APBB1: variants seen among roughly 807,000 people sequenced by gnomAD.
The protein encoded by APBB1 is adaptor protein FE65a2.
APBB1 carries 22 observed loss-of-function variants against 78.4 expected under a neutral mutation model. That is an observed-to-expected ratio of 0.28 (90% CI 0.20 to 0.40). The LOEUF (loss-of-function observed/expected upper bound fraction) is 0.40, where lower values mean the gene tolerates loss of function less well. Ranked by LOEUF, APBB1 falls within the 10% of genes least tolerant of loss-of-function variation. The pLI, the probability that APBB1 is intolerant of heterozygous loss-of-function variation, is 1.00. For missense variants in APBB1, 749 were observed against 932.4 expected (o/e 0.80, Z 2.56); for synonymous variants, 369 against 372.7 (o/e 0.99, Z 0.12).
Position 6,396,126 on chromosome 11 carries a change from C to T in APBB1, c.1762G>A (p.Ala588Thr), listed in dbSNP as rs1411549038. The change falls in exon 13 of 15, where the codon GCT becomes ACT. Residue 588 changes from alanine to threonine, a missense_variant. This residue lies in a region of APBB1 where 635 missense variants were observed against 765.0 expected (regional missense o/e 0.83). Coordinates refer to ENST00000609360, the MANE Select transcript of APBB1 (RefSeq NM_001164.5). The part of the protein sequence containing the change: ...WTPSHVSVAP[A>T]TLTILHQQTE... ...TGCTGGTGCAAGATGGTGAGGGTAG[C>T]AGGGGCCACACTGACATGACTTGGG... 1 of 1,557,510 alleles carries T rather than the reference C, an allele frequency of 6.4e-7. No homozygotes were observed. The highest frequency in any genetic ancestry group is 8.7e-7 in the Non-Finnish European group (1 of 1,150,428).
intron 2 of APBB1, among the ~76,000 whole-genome samples, chr11:6,410,076 T>C (rs1426230296): frequency 6.7e-6 from 1 of 150,314 alleles, no homozygotes; most frequent in Non-Finnish European, 1.5e-5. Flanking sequence ...AGTGAGACTC[T>C]GTCTCAAAAA....
Position 6,411,368 on chromosome 11 carries a change from G to T in APBB1, c.-14-7C>A, listed in dbSNP as rs369166110. The T allele has an allele frequency of 5.9e-6, 9 of 1,519,482 alleles. No homozygotes were observed. In the East Asian group the frequency reaches 2.0e-4, roughly 34 times the overall value. 94.1% of individuals were successfully genotyped at this position (1,519,482 alleles called of 1,614,324 possible). Reference sequence around the variant, plus strand: ...GACATGGCCTTGGCAGCTCCTGTGGGGTGCGGAGGGGAGATGCTGTTGAGC... The same window carrying T: ...GACATGGCCTTGGCAGCTCCTGTGGTGTGCGGAGGGGAGATGCTGTTGAGC... On this transcript the variant is annotated splice_region_variant and splice_polypyrimidine_tract_variant and intron_variant, in intron 1 of 14. Transcript: ENST00000609360. This position sits in a 1 kb window ranked among gnomAD's most constrained non-coding sequence, Gnocchi z 5.2.
chr11:6,407,588 T>C (rs575614972), intron 2 of APBB1, among the ~76,000 whole-genome samples: 101 of 152,232 alleles, frequency 6.6e-4, no homozygotes, highest in Middle Eastern at 3.2e-3. Flanking sequence ...TACACCAATA[T>C]CTAGTTTTCA....
chr11:6,399,079 T>C (rs1848368370), intron 12 of APBB1, among the ~76,000 whole-genome samples: 2 of 152,252 alleles, frequency 1.3e-5, no homozygotes, highest in African/African-American at 2.4e-5. Context: ...GTTGTCACTA[T>C]CCTTGGCAGT....
chr11:6,404,023 T>C, intron 2 of APBB1: 1 of 501,692 alleles, frequency 2.0e-6, no homozygotes, highest in Non-Finnish European at 3.4e-6. Context: ...GGCTCAGGTC[T>C]CCTCCTGGGC....
At chr11:6,402,892 TCA>T in intron 6 of APBB1, 167 bp from the exon 7 acceptor site, 1 of 886,952 alleles carries the variant, frequency 1.1e-6, no homozygotes, top group Non-Finnish European at 1.7e-6. Context: ...GAGGGAGATG[TCA>T]GATGAGACCC....
At position 6,403,261 on chromosome 11, in the gene APBB1, C is replaced by G; in HGVS notation, c.1041-53G>C. The G allele has an allele frequency of 6.2e-7, 1 of 1,610,808 alleles. No individual in the cohort carries two copies. The highest frequency in any genetic ancestry group is 8.5e-7 in the Non-Finnish European group (1 of 1,178,078). On this transcript the variant is annotated intron_variant, in intron 5 of 14. Coordinates refer to ENST00000609360, the MANE Select transcript of APBB1 (RefSeq NM_001164.5). This position sits in a 1 kb window ranked among gnomAD's most constrained non-coding sequence, Gnocchi z 5.3. The stretch of plus-strand genomic sequence containing the variant: ...AGGGCTCCCATAAATGGAGCTGTCC[C>G]AAGGCCCCTTCCAGACAGATCCATC...
Position 6,395,307 on chromosome 11 carries a change from G to C in APBB1, c.*227C>G, listed in dbSNP as rs1041142773. ...GAAACACATGGGGATGGAGAACCAGGGCTGGCCTTGCTTCCTGCTCCTCTT... is the reference window on the plus strand; with the variant it reads ...GAAACACATGGGGATGGAGAACCAGCGCTGGCCTTGCTTCCTGCTCCTCTT... On this transcript the variant is annotated 3_prime_UTR_variant, in exon 15 of 15. Coordinates refer to ENST00000609360, the MANE Select transcript of APBB1 (RefSeq NM_001164.5). The surrounding 1 kb of genome is among the most constrained non-coding windows in gnomAD (Gnocchi z 5.2). 3.9e-5 allele frequency: 17 copies of C among 432,348 alleles called. 1 individual carries two copies. Among genetic ancestry groups the C allele is most frequent in the Non-Finnish European group, 6.4e-5 (16 of 248,068 alleles). 26.8% of individuals were successfully genotyped at this position (432,348 alleles called of 1,614,324 possible).
chr11:6,414,364 C>T (rs1353948808), intron 1 of APBB1, among the ~76,000 whole-genome samples: 5 of 152,144 alleles, frequency 3.3e-5, no homozygotes, highest in African/African-American at 7.2e-5. Context: ...TTCTCTCCTT[C>T]GTGTCTCACA....
At chr11:6,413,859 C>T (rs941045352) in intron 1 of APBB1, among the ~76,000 whole-genome samples, 1 of 152,170 alleles carries the variant, frequency 6.6e-6, no homozygotes, top group Admixed American at 6.5e-5. Context: ...TTTCTGCGCA[C>T]GTGTCTGCCT....
intron 8 of APBB1, 21 bp from the exon 9 acceptor site, chr11:6,402,003 G>A: frequency 2.5e-6 from 4 of 1,587,126 alleles, no homozygotes; most frequent in Non-Finnish European, 2.6e-6. Context: ...CAGCACAAGA[G>A]AGGCAAATAA....
chr11:6,405,873 T>C (rs112101250), intron 2 of APBB1, among the ~76,000 whole-genome samples: 1,881 of 152,216 alleles, frequency 0.012, 35 homozygotes, highest in African/African-American at 0.043. Context: ...GCTAAAACCT[T>C]CCAGGAACAG....
intron 2 of APBB1, chr11:6,405,504 G>A (rs921607682): frequency 1.0e-5 from 10 of 986,618 alleles, no homozygotes; most frequent in Non-Finnish European, 1.1e-5. Context: ...AATCCTGACT[G>A]GTCCAAGAGG....
chr11:6,402,673 G>T lies in APBB1; in HGVS notation c.1157C>A (p.Ala386Asp). ...GACTGCCACACTGCTGCGTCCAGGG[G>T]CCAGCTCCTCCTCGGTCATCTCTAC... is the stretch of plus-strand genomic sequence containing the variant. ...GWVEMTEEELAPGRSSVAVNN... is the reference protein window; with the variant it reads ...GWVEMTEEELDPGRSSVAVNN... Residue 386 changes from alanine (A) to aspartate (D), a missense_variant, in exon 7 of 15, where the codon GCC (alanine) becomes GAC (aspartate). By Grantham distance (126) the Ala-to-Asp change is moderately radical. Transcript: ENST00000609360. 6.2e-7 allele frequency: 1 copy of T among 1,614,158 alleles called. No homozygotes were observed. Among genetic ancestry groups the T allele is most frequent in the Non-Finnish European group, 8.5e-7 (1 of 1,180,036 alleles).
chr11:6,405,013 G>A lies in APBB1; in HGVS notation c.722-1191C>T, dbSNP rs1039259617. The A allele has an allele frequency of 7.7e-6, 11 of 1,421,614 alleles. No individual in the cohort carries two copies. In the African/African-American group the frequency reaches 1.6e-4, roughly 20 times the overall value. The allele number at this position is 1,421,614 out of a possible 1,614,324, so 88.1% of individuals were successfully genotyped here. On this transcript the variant is annotated intron_variant, in intron 2 of 14. Coordinates refer to ENST00000609360, the MANE Select transcript of APBB1 (RefSeq NM_001164.5). ...ATGCTAGGGAATCTCCTTGGGGGGT[G>A]GGGAAGGGAGGAGAAAGGGAGGTTC... is the stretch of plus-strand genomic sequence containing the variant.
chr11:6,410,211 A>G (rs12788285), intron 2 of APBB1, among the ~76,000 whole-genome samples: 1 of 152,126 alleles, frequency 6.6e-6, no homozygotes, highest in African/African-American at 2.4e-5. Context: ...TTTCAGCTCT[A>G]TTGTAATCTC....
In APBB1 at chr11:6,396,099, C is replaced by T. The variant is rs1421771962; in HGVS notation, c.1788+1G>A. ...CCACGACTTCTACCCCAGCTCTTTACCTGCTGGTGCAAGATGGTGAGGGTA... is the reference window on the plus strand; with the variant it reads ...CCACGACTTCTACCCCAGCTCTTTATCTGCTGGTGCAAGATGGTGAGGGTA... On this transcript the variant is annotated splice_donor_variant, in intron 13 of 14. Coordinates refer to ENST00000609360, the MANE Select transcript of APBB1 (RefSeq NM_001164.5). LOFTEE classifies it high-confidence loss of function. The T allele has an allele frequency of 1.3e-6, 2 of 1,568,548 alleles. No individual in the cohort carries two copies. Among genetic ancestry groups the T allele is most frequent in the South Asian group, 1.2e-5 (1 of 86,278 alleles).
Position 6,403,973 on chromosome 11 carries a change from G to C in APBB1, c.722-151C>G, listed in dbSNP as rs1848671896. Reference sequence around the variant, plus strand: ...TTCCTGCTTCTGCCTAGAGCCTATAGTCTGGAGTCACCACATGTGGGGCCA... The same window carrying C: ...TTCCTGCTTCTGCCTAGAGCCTATACTCTGGAGTCACCACATGTGGGGCCA... On this transcript the variant is annotated intron_variant, in intron 2 of 14. Coordinates refer to ENST00000609360, the MANE Select transcript of APBB1 (RefSeq NM_001164.5). The surrounding 1 kb of genome is among the most constrained non-coding windows in gnomAD (Gnocchi z 5.3). The C allele has an allele frequency of 1.2e-6, 1 of 834,938 alleles. No individual in the cohort carries two copies. The highest frequency in any genetic ancestry group is 1.7e-5 in the African/African-American group (1 of 58,478). The allele number at this position is 834,938 out of a possible 1,614,324, so 51.7% of individuals were successfully genotyped here. A position where few individuals can be genotyped will look rare whatever the true frequency, so the allele number is the denominator to read the frequency against.
intron 1 of APBB1, among the ~76,000 whole-genome samples, chr11:6,414,585 A>G (rs540143046): frequency 3.3e-5 from 5 of 152,282 alleles, no homozygotes; most frequent in Middle Eastern, 3.4e-3. Context: ...GTGTGGCCCA[A>G]TGGGCTGGGG....
Sources: gnomAD v4.1 joint callset for allele counts (sites outside exome capture counted in the v4.1 genomes callset) on GRCh38, gnomAD v4.1.1 for gene constraint, gnomAD v4.1.1 regional missense constraint, Gnocchi (gnomAD v3.1) non-coding constraint, MANE v1.5 for transcripts, NCBI Gene and HGNC (gene_info 2026-07-23, HGNC 2026-07-21) for gene names.